Variants in POLD3 observed in about 807,000 individuals in gnomAD.
POLD3 encodes DNA polymerase delta subunit 3.
Under a neutral mutation model 58.2 loss-of-function variants are expected in POLD3, and 19 were observed. The ratio of observed to expected loss-of-function variants is 0.33; its 90% CI spans 0.23 to 0.48. The LOEUF (loss-of-function observed/expected upper bound fraction) is 0.48. POLD3 is among the 20% of genes least tolerant of loss of function. POLD3 has a pLI of 0.99. For missense variants in POLD3, 504 were observed against 545.5 expected (o/e 0.92, Z 0.76); for synonymous variants, 172 against 193.5 (o/e 0.89, Z 0.92).
intron 2 of POLD3, among the ~76,000 whole-genome samples, chr11:74,600,710 CTTTTTT>C (rs57206403): frequency 1.6e-5 from 1 of 63,008 alleles, no homozygotes; most frequent in Non-Finnish European, 2.8e-5. Context: ...GAATTCTTTC[CTTTTTT>C]TTTTTTTTTT....
chr11:74,662,440 G>A (rs1226325209), intron 4 of POLD3, among the ~76,000 whole-genome samples: 1 of 152,092 alleles, frequency 6.6e-6, no homozygotes, highest in Non-Finnish European at 1.5e-5. Flanking sequence ...CAAGGGAATA[G>A]GTTTTCTTCT....
At chr11:74,649,571 G>A (rs1227130112) in intron 4 of POLD3, among the ~76,000 whole-genome samples, 2 of 152,132 alleles carry the variant, frequency 1.3e-5, no homozygotes, top group African/African-American at 4.8e-5. Flanking sequence ...GAACTCCAAA[G>A]CTCACCCCTA....
At position 74,642,445 on chromosome 11, in the gene POLD3, G is replaced by C; in HGVS notation, c.*1679G>C. ...TTGCCTCTGGTCATTTGTCTAAATA[G>C]GAATGGAAAATTAAAAGAAAAGCAA... On this transcript the variant is annotated 3_prime_UTR_variant, in exon 12 of 12. Coordinates refer to ENST00000263681, the MANE Select transcript of POLD3 (RefSeq NM_006591.3). The C allele has an allele frequency of 1.0e-6, 1 of 985,246 alleles. No individual in the cohort carries two copies. The highest frequency in any genetic ancestry group is 1.7e-5 in the African/African-American group (1 of 57,356). 61.0% of individuals were successfully genotyped at this position (985,246 alleles called of 1,614,324 possible).
At chr11:74,608,990 T>C (rs946214394) in intron 3 of POLD3, among the ~76,000 whole-genome samples, 1 of 152,200 alleles carries the variant, frequency 6.6e-6, no homozygotes, top group Non-Finnish European at 1.5e-5. Context: ...TTTAGATTGC[T>C]GTTTTTTTTA....
chr11:74,630,390 T>C (rs1472177607), intron 9 of POLD3, among the ~76,000 whole-genome samples: 1 of 151,946 alleles, frequency 6.6e-6, no homozygotes, highest in African/African-American at 2.4e-5. Flanking sequence ...ACCCAAGAAA[T>C]AGTAGCAGGA....
chr11:74,592,853 G>A, intron 1 of POLD3, 135 bp downstream of exon 1: 1 of 1,500,174 alleles, frequency 6.7e-7, no homozygotes, highest in Non-Finnish European at 8.9e-7. Context: ...GAGGGGACCT[G>A]GGCGAGCTCT....
rs56027280 is a variant in POLD3, at chr11:74,592,642, C to A, written c.-17C>A. On this transcript the variant is annotated 5_prime_UTR_variant, in exon 1 of 12. Transcript: ENST00000263681. The stretch of plus-strand genomic sequence containing the variant: ...ATTGAGAGAGGGGTTAGAGGCGGGT[C>A]CCAGCGCTGCCGCACCATGGCGGAC... 5.0e-6 allele frequency: 8 copies of A among 1,601,708 alleles called. No homozygotes were observed. The highest frequency in any genetic ancestry group is 5.1e-6 in the Non-Finnish European group (6 of 1,173,530).
Position 74,640,970 on chromosome 11 carries a change from T to A in POLD3, c.*204T>A. ...AAGCAGGAGGCAAAAAGCTGTTACC[T>A]TCTAATGACATTTAAAAAGCACAGT... On this transcript the variant is annotated 3_prime_UTR_variant, in exon 12 of 12. Transcript: ENST00000263681. 8.0e-7 allele frequency: 1 copy of A among 1,256,266 alleles called. No individual in the cohort carries two copies. Among genetic ancestry groups the A allele is most frequent in the Non-Finnish European group, 1.0e-6 (1 of 1,001,896 alleles). 77.8% of individuals were successfully genotyped at this position (1,256,266 alleles called of 1,614,324 possible). A position where few individuals can be genotyped will look rare whatever the true frequency, so the allele number is the denominator to read the frequency against.
chr11:74,668,739 T>C (rs1488873549), intron 4 of POLD3: 2 of 1,270,750 alleles, frequency 1.6e-6, no homozygotes, highest in Non-Finnish European at 2.1e-6. Flanking sequence ...AAAGGGAAGA[T>C]ATATAGAGTT....
chr11:74,642,690 C>T lies in POLD3; in HGVS notation c.*1924C>T. On this transcript the variant is annotated 3_prime_UTR_variant, in exon 12 of 12. Coordinates refer to ENST00000263681, the MANE Select transcript of POLD3 (RefSeq NM_006591.3). Reference sequence around the variant, plus strand: ...TTTTTATACAATACCATGTTAACCACATGAGTTAAATAAATTTGAGAAGTT... The same window carrying T: ...TTTTTATACAATACCATGTTAACCATATGAGTTAAATAAATTTGAGAAGTT... 1 of 983,352 alleles carries T rather than the reference C, an allele frequency of 1.0e-6. No individual in the cohort carries two copies. Among genetic ancestry groups the T allele is most frequent in the Non-Finnish European group, 1.2e-6 (1 of 828,194 alleles). The allele number at this position is 983,352 out of a possible 1,614,324, so 60.9% of individuals were successfully genotyped here.
At chr11:74,610,752 A>G (rs965213339) in intron 3 of POLD3, among the ~76,000 whole-genome samples, 2 of 152,050 alleles carry the variant, frequency 1.3e-5, no homozygotes, top group African/African-American at 4.8e-5. Context: ...TAGAATTCAC[A>G]CATGTTTTCA....
intron 4 of POLD3, among the ~76,000 whole-genome samples, chr11:74,664,365 C>A (rs1309407346): frequency 6.6e-6 from 1 of 152,052 alleles, no homozygotes; most frequent in Non-Finnish European, 1.5e-5. Flanking sequence ...TGGAAACAAC[C>A]CAAATATCTA....
rs548117449 is a variant in POLD3, at chr11:74,659,834, C to A, written c.370-8943C>A. The stretch of plus-strand genomic sequence containing the variant: ...GCCATTCAACAAGTCTTGGGAAGTT[C>A]CAAACTTTTCCACATTTTTCTGTCT... On this transcript the variant is annotated intron_variant, in intron 4 of 4. Transcript: ENST00000524752. 7.2e-5 allele frequency among the ~76,000 whole-genome samples: 11 copies of A among 152,328 alleles called. 1 individual carries two copies. Among genetic ancestry groups the A allele is most frequent in the Admixed American group, 7.2e-4 (11 of 15,308 alleles).
At chr11:74,662,647 G>A (rs1170582750) in intron 4 of POLD3, among the ~76,000 whole-genome samples, 1 of 151,990 alleles carries the variant, frequency 6.6e-6, no homozygotes, top group Non-Finnish European at 1.5e-5. Flanking sequence ...GGAGTTGGAG[G>A]AGGAGTGGCA....
chr11:74,615,398 A>G (rs920724344), intron 5 of POLD3, among the ~76,000 whole-genome samples: 1 of 152,214 alleles, frequency 6.6e-6, no homozygotes. Context: ...GAACCAGTCA[A>G]CAATGTCAAA....
At chr11:74,610,985 G>T (rs1020080931) in intron 3 of POLD3, among the ~76,000 whole-genome samples, 5 of 152,104 alleles carry the variant, frequency 3.3e-5, no homozygotes, top group African/African-American at 9.7e-5. Context: ...ATGTTGGCCA[G>T]GGTGGTCTCA....
At position 74,636,361 on chromosome 11, in the gene POLD3, C is replaced by G. The variant is rs2032751167; in HGVS notation, c.1198+86C>G. 10 of 1,314,208 alleles carry G rather than the reference C, an allele frequency of 7.6e-6. No homozygotes were observed. In the South Asian group the frequency reaches 1.1e-4, roughly 15 times the overall value. 81.4% of individuals were successfully genotyped at this position (1,314,208 alleles called of 1,614,324 possible). A position where few individuals can be genotyped will look rare whatever the true frequency, so the allele number is the denominator to read the frequency against. On this transcript the variant is annotated intron_variant, in intron 11 of 11. Transcript: ENST00000263681. ...ATAATCCCTTTTAGAACAGGTACAT[C>G]TCAAACTTTAATTTACATGTGAATC...
rs142217440 is a variant in POLD3 at position 74,638,744 on chromosome 11, T to A, written c.1199-1820T>A. On this transcript the variant is annotated intron_variant, in intron 11 of 11. Coordinates refer to ENST00000263681, the MANE Select transcript of POLD3 (RefSeq NM_006591.3). ...TCTCAAACTTTGCCGGCTATGTGCA[T>A]TACTTGAAGATCTTGCTAAAATTGA... The A allele has an allele frequency of 1.3e-3, 575 of 452,052 alleles. 3 individuals carry two copies. The highest frequency in any genetic ancestry group is 0.01 in the African/African-American group (505 of 50,022). 28.0% of individuals were successfully genotyped at this position (452,052 alleles called of 1,614,324 possible).
rs201978413 is a variant in POLD3, at chr11:74,618,740, A to T, written c.596A>T (p.Lys199Ile). ...PKGIMGMFAS[K>I]AAAKTQETNK... is the part of the protein sequence containing the mutation. ...GGAATTATGGGAATGTTTGCCTCCA[A>T]AGCTGCTGCTAAAACCCAAGAAACC... The change falls in exon 6 of 12, where the codon AAA (lysine) becomes ATA (isoleucine). Residue 199 changes from lysine to isoleucine, a missense_variant. Lys to Ile is a moderately radical substitution (Grantham distance 102). This residue lies in a region of POLD3 where 385 missense variants were observed against 370.5 expected (regional missense o/e 1.04). Transcript: ENST00000263681. 6.2e-7 allele frequency: 1 copy of T among 1,614,194 alleles called. No individual in the cohort carries two copies. The highest frequency in any genetic ancestry group is 2.2e-5 in the East Asian group (1 of 44,890).
Sources: gnomAD v4.1 joint callset for allele counts (sites outside exome capture counted in the v4.1 genomes callset) on GRCh38, gnomAD v4.1.1 for gene constraint, gnomAD v4.1.1 regional missense constraint, MANE v1.5 for transcripts, NCBI Gene and HGNC (gene_info 2026-07-23, HGNC 2026-07-21) for gene names.